The following B3GNT2 variants were observed in gnomAD, a reference collection of about 807,000 sequenced individuals.
The protein encoded by B3GNT2 is UDP-GlcNAc:betaGal beta-1,3-N-acetylglucosaminyltransferase 2.
B3GNT2 carries 12 observed loss-of-function variants against 27.6 expected under a neutral mutation model. That is an observed-to-expected ratio of 0.44 (90% CI 0.28 to 0.71). The LOEUF is 0.71. B3GNT2 is among the 30% of genes least tolerant of loss of function. The pLI is 0.17. For synonymous variants in B3GNT2, 192 were observed against 189.7 expected, an observed-to-expected ratio of 1.01 and a Z score of -0.10; for missense variants, 413 against 488.5, an observed-to-expected ratio of 0.85 and a Z score of 1.46.
In B3GNT2 at chr2:62,222,819, T is replaced by G. The variant is rs1281544956; in HGVS notation, c.599T>G (p.Phe200Cys). 2.5e-6 allele frequency: 4 copies of G among 1,614,094 alleles called. No homozygotes were observed. Among genetic ancestry groups the G allele is most frequent in the African/African-American group, 1.3e-5 (1 of 75,012 alleles). Reference protein sequence around the residue: ...NHPDLSDMLKFESEKHQDILM... With the variant: ...NHPDLSDMLKCESEKHQDILM... Reference sequence around the variant, plus strand: ...CCCGACCTTTCAGATATGCTGAAATTTGAGAGTGAGAAGCACCAAGACATT... The same window carrying G: ...CCCGACCTTTCAGATATGCTGAAATGTGAGAGTGAGAAGCACCAAGACATT... Residue 200 changes from phenylalanine to cysteine, a missense_variant, in exon 2 of 2, where the codon TTT becomes TGT. Physicochemically the swap from Phe to Cys is radical, Grantham distance 205. Coordinates refer to ENST00000301998, the MANE Select transcript of B3GNT2 (RefSeq NM_006577.6). This position sits in a 1 kb window ranked among gnomAD's most constrained non-coding sequence, Gnocchi z 4.2.
At chr2:62,214,409 G>A (rs919523343) in intron 1 of B3GNT2, among the ~76,000 whole-genome samples, 3 of 152,228 alleles carry the variant, frequency 2.0e-5, no homozygotes, top group Non-Finnish European at 4.4e-5. Context: ...AATGCGCAGA[G>A]CAGGAAGCAA....
intron 1 of B3GNT2, among the ~76,000 whole-genome samples, chr2:62,208,943 C>T (rs968730346): frequency 2.6e-5 from 4 of 152,152 alleles, no homozygotes; most frequent in Admixed American, 2.6e-4. Context: ...ACAAGCAGCC[C>T]AACCTGGGTG....
At chr2:62,214,500 C>A (rs1674535297) in intron 1 of B3GNT2, among the ~76,000 whole-genome samples, 2 of 152,288 alleles carry the variant, frequency 1.3e-5, no homozygotes, top group African/African-American at 4.8e-5. Context: ...AGGGACTCTG[C>A]AAGGCATGTG....
chr2:62,220,379 A>G (rs1156519330), intron 1 of B3GNT2, among the ~76,000 whole-genome samples: 2 of 152,240 alleles, frequency 1.3e-5, no homozygotes, highest in African/African-American at 4.8e-5. Flanking sequence ...ATAAAGGTCT[A>G]CTAGGCAGAT....
At chr2:62,210,979 AGAT>A (rs1159932389) in intron 1 of B3GNT2, among the ~76,000 whole-genome samples, 1 of 152,210 alleles carries the variant, frequency 6.6e-6, no homozygotes, top group Non-Finnish European at 1.5e-5. Context: ...GGAAGTAACC[AGAT>A]GATGATGTGT....
chr2:62,210,686 C>G (rs926575750), intron 1 of B3GNT2, among the ~76,000 whole-genome samples: 2 of 151,934 alleles, frequency 1.3e-5, no homozygotes, highest in Non-Finnish European at 2.9e-5. Flanking sequence ...AGGAGAATCA[C>G]TTGAACCCGG....
chr2:62,196,529 A>T (rs1428851734), intron 1 of B3GNT2, among the ~76,000 whole-genome samples, 174 bp downstream of exon 1: 1 of 152,140 alleles, frequency 6.6e-6, no homozygotes, highest in Non-Finnish European at 1.5e-5. Flanking sequence ...GCCCCGGTGG[A>T]GGAAGCCGTC....
intron 1 of B3GNT2, among the ~76,000 whole-genome samples, chr2:62,208,143 T>G (rs1439234748): frequency 6.6e-6 from 1 of 151,986 alleles, no homozygotes; most frequent in Non-Finnish European, 1.5e-5. Flanking sequence ...GTGAAAATAG[T>G]CTCCTTGTTT....
At chr2:62,202,265 A>C (rs1674280308) in intron 1 of B3GNT2, among the ~76,000 whole-genome samples, 1 of 152,208 alleles carries the variant, frequency 6.6e-6, no homozygotes, top group Non-Finnish European at 1.5e-5. Context: ...GCAGCCAAGA[A>C]AGGCTTCTTA....
chr2:62,216,946 G>T (rs1025207175), intron 1 of B3GNT2, among the ~76,000 whole-genome samples: 4 of 152,190 alleles, frequency 2.6e-5, no homozygotes, highest in East Asian at 1.9e-4. Flanking sequence ...AGGCCTGGGC[G>T]CAAGCCCTGA....
chr2:62,222,391 A>C lies in B3GNT2; in HGVS notation c.171A>C (p.Ala57=). ...KFWKISTPPE[A]YWNREQEKLN... ...GGAAGATATCTACCCCTCCCGAGGC[A>C]TACTGGAACCGAGAGCAAGAGAAGC... Residue 57 remains alanine, a synonymous_variant, in exon 2 of 2, where the codon GCA becomes GCC. Transcript: ENST00000301998. The surrounding 1 kb of genome is among the most constrained non-coding windows in gnomAD (Gnocchi z 4.2). 2 of 1,614,162 alleles carry C rather than the reference A, an allele frequency of 1.2e-6. No individual in the cohort carries two copies. The highest frequency in any genetic ancestry group is 1.7e-6 in the Non-Finnish European group (2 of 1,180,036).
intron 1 of B3GNT2, among the ~76,000 whole-genome samples, chr2:62,218,001 T>C (rs1389228875): frequency 6.6e-6 from 1 of 152,244 alleles, no homozygotes; most frequent in East Asian, 1.9e-4. Flanking sequence ...TTTTCTCTTA[T>C]TTCTGTTACA....
At chr2:62,216,626 A>T (rs2104206288) in intron 1 of B3GNT2, among the ~76,000 whole-genome samples, 2 of 151,770 alleles carry the variant, frequency 1.3e-5, no homozygotes, top group Non-Finnish European at 2.9e-5. Context: ...TTGGTCTCGA[A>T]CTCCTGGGCT....
chr2:62,206,727 C>T (rs1159768358), intron 1 of B3GNT2, among the ~76,000 whole-genome samples: 2 of 152,180 alleles, frequency 1.3e-5, no homozygotes, highest in South Asian at 2.1e-4. Context: ...CACATGTCTA[C>T]TCTGCAGAAC....
chr2:62,221,264 A>G (rs4672482), intron 1 of B3GNT2, among the ~76,000 whole-genome samples: 90,839 of 152,056 alleles, frequency 0.6, 28,879 homozygotes, highest in African/African-American at 0.82. Flanking sequence ...TGCCGAGGGG[A>G]TATACCATTG....
rs1238335800 is a variant in B3GNT2, at chr2:62,223,653, G to A, written c.*239G>A. On this transcript the variant is annotated 3_prime_UTR_variant, in exon 2 of 2. Transcript: ENST00000301998. ...TTGGTTCTGATCTTACCGGCTAGTG[G>A]TCATTTTTAAAAAACTTGTACCCTC... 1 of 386,134 alleles carries A rather than the reference G, an allele frequency of 2.6e-6. No individual in the cohort carries two copies. The highest frequency in any genetic ancestry group is 5.6e-5 in the South Asian group (1 of 17,766). The allele number at this position is 386,134 out of a possible 1,614,324, so 23.9% of individuals were successfully genotyped here.
chr2:62,197,723 C>G (rs985903220), intron 1 of B3GNT2, among the ~76,000 whole-genome samples: 2 of 152,264 alleles, frequency 1.3e-5, no homozygotes, highest in South Asian at 4.1e-4. Flanking sequence ...CCGACAGGGC[C>G]GGGACTGGGA....
intron 1 of B3GNT2, chr2:62,221,949 T>G: frequency 1.8e-6 from 1 of 549,550 alleles, no homozygotes; most frequent in South Asian, 1.6e-5. Context: ...TTTTAAAAGC[T>G]TTCCATATAA....
chr2:62,216,222 T>C (rs1674570153), intron 1 of B3GNT2, among the ~76,000 whole-genome samples: 1 of 152,136 alleles, frequency 6.6e-6, no homozygotes, highest in African/African-American at 2.4e-5. Flanking sequence ...CCCAGTCTAG[T>C]GTCCATGAGT....
Sources: allele counts gnomAD v4.1 joint callset (sites outside exome capture counted in the v4.1 genomes callset), GRCh38; gene constraint gnomAD v4.1.1; non-coding constraint Gnocchi (gnomAD v3.1); transcripts MANE v1.5; gene names NCBI Gene and HGNC (gene_info 2026-07-23, HGNC 2026-07-21).